The following PPARGC1A variants were observed in gnomAD, a reference collection of about 807,000 sequenced individuals.
The protein encoded by PPARGC1A is peroxisome proliferator-activated receptor gamma coactivator 1-alpha.
Under a neutral mutation model 88.7 loss-of-function variants are expected in PPARGC1A, and 25 were observed. The ratio of observed to expected loss-of-function variants is 0.28; its 90% CI spans 0.21 to 0.39. PPARGC1A has a LOEUF of 0.39. PPARGC1A is among the 10% of genes least tolerant of loss of function. PPARGC1A has a pLI of 1.00. For missense variants in PPARGC1A, 880 were observed against 968.7 expected (o/e 0.91, Z 1.22); for synonymous variants, 363 against 355.6 (o/e 1.02, Z -0.24).
chr4:23,910,600 C>T, the PPARGC1A span, among the ~76,000 whole-genome samples: 4 of 149,400 alleles, frequency 2.7e-5, 1 homozygote, highest in East Asian at 7.8e-4. Context: ...GCCACCATGC[C>T]AGCTAATTTT....
the PPARGC1A span, among the ~76,000 whole-genome samples, chr4:24,445,838 C>T: frequency 5.7e-3 from 868 of 152,148 alleles, 6 homozygotes; most frequent in African/African-American, 0.02. Flanking sequence ...GAGGCTGAGG[C>T]GGGCGGATCG....
the PPARGC1A span, among the ~76,000 whole-genome samples, chr4:23,986,631 G>A: frequency 3.5e-4 from 53 of 152,132 alleles, 2 homozygotes; most frequent in African/African-American, 1.2e-3. Flanking sequence ...TCAGTCTTAC[G>A]ATAACAGTTG....
intron 2 of PPARGC1A, among the ~76,000 whole-genome samples, chr4:23,846,578 A>G (rs1233912925): frequency 6.6e-6 from 1 of 152,204 alleles, no homozygotes; most frequent in Non-Finnish European, 1.5e-5. Flanking sequence ...TGTGTTTTTA[A>G]TAGATCACAA....
intron 2 of PPARGC1A, 30 bp from the exon 3 acceptor site, chr4:23,831,781 G>T: frequency 6.4e-7 from 1 of 1,563,622 alleles, no homozygotes; most frequent in East Asian, 2.3e-5. Flanking sequence ...CAGAAGATGT[G>T]AGTTGACCCT....
chr4:23,875,183 T>C (rs1174257454), intron 2 of PPARGC1A, among the ~76,000 whole-genome samples: 4 of 137,708 alleles, frequency 2.9e-5, no homozygotes, highest in Non-Finnish European at 6.6e-5. Flanking sequence ...GACTTAGAAG[T>C]CCTCAACATC....
At chr4:24,007,367 C>A in the PPARGC1A span, among the ~76,000 whole-genome samples, 1 of 152,052 alleles carries the variant, frequency 6.6e-6, no homozygotes, top group East Asian at 1.9e-4. Context: ...CAGATGTGGC[C>A]CTTGTCCTCA....
chr4:23,897,284 G>A (rs1388398179), intron 1 of PPARGC1A, among the ~76,000 whole-genome samples: 1 of 152,152 alleles, frequency 6.6e-6, no homozygotes, highest in Non-Finnish European at 1.5e-5. Flanking sequence ...GAGATTTAAG[G>A]TGAGTACTGG....
chr4:24,274,017 G>A, the PPARGC1A span, among the ~76,000 whole-genome samples: 4 of 151,826 alleles, frequency 2.6e-5, no homozygotes, highest in African/African-American at 9.7e-5. Context: ...GGGATTACAG[G>A]AGTGAGCCAC....
chr4:23,922,134 A>C, the PPARGC1A span, among the ~76,000 whole-genome samples: 1 of 152,170 alleles, frequency 6.6e-6, no homozygotes, highest in South Asian at 2.1e-4. Context: ...CTACACAAAC[A>C]CCTAAGATCC....
the PPARGC1A span, among the ~76,000 whole-genome samples, chr4:24,224,787 G>A: frequency 6.6e-6 from 1 of 152,178 alleles, no homozygotes; most frequent in Non-Finnish European, 1.5e-5. Context: ...AGAGTTCAGG[G>A]AGATGAGAGT....
chr4:24,231,351 G>A, the PPARGC1A span, among the ~76,000 whole-genome samples: 2 of 152,146 alleles, frequency 1.3e-5, no homozygotes, highest in Non-Finnish European at 2.9e-5. Flanking sequence ...TGACGCAAGG[G>A]TAGCTACTTT....
chr4:23,977,082 A>AGAC, the PPARGC1A span, among the ~76,000 whole-genome samples: 467 of 152,172 alleles, frequency 3.1e-3, 4 homozygotes, highest in African/African-American at 0.011. Flanking sequence ...AAGAAGAAGA[A>AGAC]GACTTGCAGA....
the PPARGC1A span, among the ~76,000 whole-genome samples, chr4:24,079,726 A>AT: frequency 6.6e-6 from 1 of 152,100 alleles, no homozygotes; most frequent in Admixed American, 6.5e-5. Context: ...AATTTTTTGC[A>AT]TTTTACACTT....
rs1255082635 is a variant in PPARGC1A at position 23,837,362 on chromosome 4, G to A, written c.235-5611C>T. ...TGATTATTTGCCTAATTCCTATTAC[G>A]GAATTTTTTTGCACTCATGATTAAT... On this transcript the variant is annotated intron_variant, in intron 2 of 12. Transcript: ENST00000264867. 9.8e-5 allele frequency among the ~76,000 whole-genome samples: 14 copies of A among 142,450 alleles called. No homozygotes were observed. In the South Asian group the frequency reaches 1.2e-3, roughly 12 times the overall value. 93.5% of individuals were successfully genotyped at this position (142,450 alleles called of 152,430 possible).
the PPARGC1A span, among the ~76,000 whole-genome samples, chr4:24,384,810 C>T: frequency 1.3e-5 from 2 of 152,192 alleles, no homozygotes; most frequent in South Asian, 2.1e-4. Flanking sequence ...TTTAACACCC[C>T]ATTGTCAATA....
chr4:24,278,057 C>T, the PPARGC1A span, among the ~76,000 whole-genome samples: 2 of 152,016 alleles, frequency 1.3e-5, no homozygotes, highest in Admixed American at 6.6e-5. Context: ...TGCTTGTAGT[C>T]CCAGCTACTC....
At chr4:23,996,155 C>T in the PPARGC1A span, among the ~76,000 whole-genome samples, 3,208 of 152,162 alleles carry the variant, frequency 0.021, 109 homozygotes, top group African/African-American at 0.073. Flanking sequence ...CTTTGATTAA[C>T]GGGAGGTGAT....
At chr4:23,951,264 T>C in the PPARGC1A span, among the ~76,000 whole-genome samples, 1 of 152,052 alleles carries the variant, frequency 6.6e-6, no homozygotes, top group South Asian at 2.1e-4. Context: ...AAGAGTTACA[T>C]GCATGATGAG....
chr4:23,977,665 G>A, the PPARGC1A span, among the ~76,000 whole-genome samples: 4 of 152,152 alleles, frequency 2.6e-5, no homozygotes, highest in Non-Finnish European at 4.4e-5. Flanking sequence ...TGTCCTGCAC[G>A]TGTATCCTGG....
Sources: allele counts gnomAD v4.1 joint callset (sites outside exome capture counted in the v4.1 genomes callset), GRCh38; gene constraint gnomAD v4.1.1; transcripts MANE v1.5; gene names NCBI Gene and HGNC (gene_info 2026-07-23, HGNC 2026-07-21).